Variants in PCDH15 observed in about 807,000 individuals in gnomAD.
PCDH15 encodes the protein protocadherin related 15.
A neutral mutation model predicts 178.5 loss-of-function variants in PCDH15; 129 were observed. The observed-to-expected ratio is 0.72, with a 90% CI of 0.63 to 0.84. The LOEUF (loss-of-function observed/expected upper bound fraction) is 0.84. PCDH15 is among the 40% of genes least tolerant of loss of function. The pLI is 0.00. For missense variants in PCDH15, 2,230 were observed against 2,099.9 expected (o/e 1.06, Z -1.21); for synonymous variants, 800 against 732.0 (o/e 1.09, Z -1.50).
chr10:55,107,895 T>C (rs562260504), intron 2 of PCDH15, among the ~76,000 whole-genome samples: 101 of 152,300 alleles, frequency 6.6e-4, no homozygotes, highest in African/African-American at 2.2e-3. Context: ...ATACTTCTGT[T>C]ATAGACTGAC....
intron 2 of PCDH15, among the ~76,000 whole-genome samples, chr10:55,455,971 T>C (rs375690737): frequency 6.6e-6 from 1 of 152,084 alleles, no homozygotes; most frequent in Non-Finnish European, 1.5e-5. Flanking sequence ...AGTATATACA[T>C]AAACGAACTA....
chr10:54,018,730 C>CT, intron 20 of PCDH15, among the ~76,000 whole-genome samples: 1 of 152,120 alleles, frequency 6.6e-6, no homozygotes, highest in Admixed American at 6.6e-5. Context: ...CATTCCAATC[C>CT]TATGGTATGA....
intron 2 of PCDH15, among the ~76,000 whole-genome samples, chr10:54,905,336 A>G (rs1476702124): frequency 1.3e-5 from 2 of 152,126 alleles, no homozygotes; most frequent in African/African-American, 4.8e-5. Flanking sequence ...AGCACATACA[A>G]GCAACACTGT....
intron 2 of PCDH15, among the ~76,000 whole-genome samples, chr10:55,033,075 C>T (rs1564734325): frequency 6.6e-6 from 1 of 152,054 alleles, no homozygotes; most frequent in Non-Finnish European, 1.5e-5. Flanking sequence ...GCTGTGGAGG[C>T]TTGGATTTCA....
chr10:54,748,283 T>A (rs1468056404), intron 1 of PCDH15, among the ~76,000 whole-genome samples: 3 of 152,120 alleles, frequency 2.0e-5, no homozygotes, highest in Admixed American at 2.0e-4. Context: ...TAACCACACA[T>A]CCCTCTTTTA....
chr10:54,329,370 G>T (rs1024814572), intron 7 of PCDH15, among the ~76,000 whole-genome samples: 1 of 151,772 alleles, frequency 6.6e-6, no homozygotes, highest in African/African-American at 2.4e-5. Flanking sequence ...TTGGATAATG[G>T]ATAATACATA....
chr10:54,638,405 A>G lies in PCDH15; in HGVS notation c.91+25767T>C, dbSNP rs546292317. Among the ~76,000 whole-genome samples, 7 of 152,224 alleles carry G rather than the reference A, an allele frequency of 4.6e-5. No individual in the cohort carries two copies. In the South Asian group the frequency reaches 1.4e-3, roughly 32 times the overall value. ...AAATTCAAGTTTTGAATTTGAGGTA[A>G]GAAATATCCCTTCAGAAATCTCCCA... On this transcript the variant is annotated intron_variant, in intron 2 of 37. Transcript: ENST00000644397.
At chr10:54,446,689 T>G (rs2076159093) in intron 3 of PCDH15, among the ~76,000 whole-genome samples, 1 of 151,604 alleles carries the variant, frequency 6.6e-6, no homozygotes, top group African/African-American at 2.4e-5. Context: ...ATTTAATATA[T>G]GCATTACCTT....
At chr10:53,808,699 G>C (rs1261524365) in intron 37 of PCDH15, 1 of 1,612,396 alleles carries the variant, frequency 6.2e-7, no homozygotes, top group Admixed American at 1.7e-5. Flanking sequence ...CTTTCAAAGT[G>C]CTGTGTTGTA....
At chr10:54,659,719 A>C (rs1249645138) in intron 2 of PCDH15, among the ~76,000 whole-genome samples, 1 of 150,656 alleles carries the variant, frequency 6.6e-6, no homozygotes, top group Non-Finnish European at 1.5e-5. Context: ...GCACCACTAC[A>C]CTTCAGTCTG....
At chr10:53,962,897 T>C (rs1394024091) in intron 21 of PCDH15, among the ~76,000 whole-genome samples, 1 of 152,184 alleles carries the variant, frequency 6.6e-6, no homozygotes, top group East Asian at 1.9e-4. Context: ...TTTACAGTGC[T>C]TAGGCCTTGT....
intron 18 of PCDH15, among the ~76,000 whole-genome samples, chr10:54,051,855 A>C (rs1056779816): frequency 6.6e-6 from 1 of 150,912 alleles, no homozygotes; most frequent in African/African-American, 2.4e-5. Flanking sequence ...TCCAGGGCCC[A>C]CTATGCAGCC....
intron 2 of PCDH15, among the ~76,000 whole-genome samples, chr10:55,465,335 G>A (rs1839809815): frequency 6.6e-6 from 1 of 152,126 alleles, no homozygotes; most frequent in Admixed American, 6.6e-5. Context: ...TAATAATTTA[G>A]AGGAGTTCCC....
intron 2 of PCDH15, among the ~76,000 whole-genome samples, chr10:55,363,190 T>G (rs568407906): frequency 6.6e-6 from 1 of 152,288 alleles, no homozygotes; most frequent in Non-Finnish European, 1.5e-5. Flanking sequence ...CATTTCAATG[T>G]ACCGATGAAT....
intron 13 of PCDH15, among the ~76,000 whole-genome samples, chr10:54,161,717 T>C (rs1446806310): frequency 3.3e-5 from 5 of 152,098 alleles, no homozygotes; most frequent in Middle Eastern, 3.4e-3. Context: ...GATAACTGTA[T>C]CCAGAAAATG....
intron 4 of PCDH15, among the ~76,000 whole-genome samples, chr10:54,370,958 G>A (rs1947570631): frequency 6.6e-6 from 1 of 151,746 alleles, no homozygotes; most frequent in Non-Finnish European, 1.5e-5. Context: ...ATTGACATAC[G>A]AAAAGAGGTC....
intron 2 of PCDH15, among the ~76,000 whole-genome samples, chr10:55,583,012 T>C (rs1381644381): frequency 6.6e-6 from 1 of 152,144 alleles, no homozygotes; most frequent in African/African-American, 2.4e-5. Context: ...AGCAAATTCC[T>C]TCTCCATAAA....
chr10:55,581,101 G>C (rs540362463), intron 2 of PCDH15, among the ~76,000 whole-genome samples: 5 of 152,002 alleles, frequency 3.3e-5, no homozygotes, highest in Non-Finnish European at 7.4e-5. Flanking sequence ...TACATAATAC[G>C]CATTTTTGCC....
At chr10:54,568,728 G>T (rs867536225) in intron 2 of PCDH15, 28 of 152,090 alleles carry the variant, frequency 1.8e-4, no homozygotes, top group African/African-American at 6.5e-4. Flanking sequence ...TCATATAAAT[G>T]AAATAATACA....
Sources: gnomAD v4.1 joint callset for allele counts (sites outside exome capture counted in the v4.1 genomes callset) on GRCh38, gnomAD v4.1.1 for gene constraint, MANE v1.5 for transcripts, NCBI Gene and HGNC (gene_info 2026-07-23, HGNC 2026-07-21) for gene names.